Variants in ITPR1 observed in about 807,000 individuals in gnomAD.
ITPR1 encodes inositol 1,4,5-trisphosphate receptor type 1, also known as inositol 1,4,5-trisphosphate-gated calcium channel ITPR1.
Under a neutral mutation model 318.4 loss-of-function variants are expected in ITPR1, and 96 were observed. The observed-to-expected ratio is 0.30, with a 90% CI of 0.26 to 0.36. The LOEUF (loss-of-function observed/expected upper bound fraction) is 0.36, where lower values mean the gene tolerates loss of function less well. Among genes scored for constraint, ITPR1 ranks in the 10% least tolerant of loss-of-function variants. The pLI, the probability that ITPR1 is intolerant of heterozygous loss-of-function variation, is 1.00. For missense variants in ITPR1, 2,440 were observed against 3,460.2 expected (o/e 0.71, Z 7.40); for synonymous variants, 1,312 against 1,289.9 (o/e 1.02, Z -0.37).
chr3:4,566,094 A>G (rs1446366322), intron 4 of ITPR1, among the ~76,000 whole-genome samples: 1 of 152,212 alleles, frequency 6.6e-6, no homozygotes. Context: ...TGAACTGCAT[A>G]AAAGTATGTT....
At chr3:4,832,485 G>T (rs768961611) in intron 60 of ITPR1, among the ~76,000 whole-genome samples, 6 of 152,084 alleles carry the variant, frequency 3.9e-5, no homozygotes, top group Non-Finnish European at 5.9e-5. Context: ...ACAAAAATTA[G>T]CCAGGCATTG....
At chr3:4,628,688 G>A (rs1179913926) in intron 5 of ITPR1, among the ~76,000 whole-genome samples, 1 of 152,146 alleles carries the variant, frequency 6.6e-6, no homozygotes, top group Admixed American at 6.5e-5. Flanking sequence ...TCCCTCCTCT[G>A]GCATGTGAGT....
At chr3:4,712,704 C>A (rs990743053) in intron 39 of ITPR1, among the ~76,000 whole-genome samples, 2 of 152,166 alleles carry the variant, frequency 1.3e-5, no homozygotes, top group Non-Finnish European at 2.9e-5. Flanking sequence ...ATGGTGGCAA[C>A]CAGATTGTCA....
At chr3:4,753,720 G>A (rs1275917107) in intron 44 of ITPR1, among the ~76,000 whole-genome samples, 1 of 152,222 alleles carries the variant, frequency 6.6e-6, no homozygotes, top group East Asian at 1.9e-4. Context: ...GGCCTGAGTG[G>A]ATTTATTTTT....
At chr3:4,661,261 C>A (rs922608511) in intron 14 of ITPR1, among the ~76,000 whole-genome samples, 174 bp downstream of exon 14, 2 of 152,210 alleles carry the variant, frequency 1.3e-5, no homozygotes, top group African/African-American at 4.8e-5. Flanking sequence ...CTGAGTGGAG[C>A]AAACCCAGGG....
intron 49 of ITPR1, among the ~76,000 whole-genome samples, chr3:4,780,754 T>C (rs2046776124): frequency 6.6e-6 from 1 of 152,146 alleles, no homozygotes; most frequent in Non-Finnish European, 1.5e-5. Flanking sequence ...CATAACAAGC[T>C]TATGTAACTG....
chr3:4,559,164 G>T (rs74722941), intron 4 of ITPR1, among the ~76,000 whole-genome samples: 3 of 147,934 alleles, frequency 2.0e-5, no homozygotes, highest in Non-Finnish European at 4.5e-5. Context: ...TGAAAAAGTT[G>T]TTTTTTTTTT....
At position 4,768,692 on chromosome 3, in the gene ITPR1, G is replaced by C; in HGVS notation, c.5907G>C (p.Ala1969=). 4 of 1,613,854 alleles carry C rather than the reference G, an allele frequency of 2.5e-6. No homozygotes were observed. The highest frequency in any genetic ancestry group is 3.4e-6 in the Non-Finnish European group (4 of 1,179,878). Reference sequence around the variant, plus strand: ...CCAAGGACGACCTGGAGATGAGCGCGGTCATCACCATCATGCAGCCCATCC... The same window carrying C: ...CCAAGGACGACCTGGAGATGAGCGCCGTCATCACCATCATGCAGCCCATCC... The part of the protein sequence containing the change: ...DKAKDDLEMS[A]VITIMQPILR... The change falls in exon 46 of 62, where the codon GCG becomes GCC. Residue 1969 remains alanine, a synonymous_variant. Coordinates refer to ENST00000649015, the MANE Select transcript of ITPR1 (RefSeq NM_001378452.1).
At chr3:4,665,785 A>G (rs1387728442) in intron 17 of ITPR1, among the ~76,000 whole-genome samples, 1 of 152,188 alleles carries the variant, frequency 6.6e-6, no homozygotes, top group African/African-American at 2.4e-5. Flanking sequence ...GTATATGTGT[A>G]TTTATATACA....
At chr3:4,753,390 C>T (rs371952499) in intron 44 of ITPR1, among the ~76,000 whole-genome samples, 2 of 152,100 alleles carry the variant, frequency 1.3e-5, no homozygotes, top group Admixed American at 1.3e-4. Context: ...GCAGCTTTAC[C>T]CAGATGAGTG....
intron 16 of ITPR1, 23 bp from the exon 17 acceptor site, chr3:4,665,115 T>C: frequency 6.2e-7 from 1 of 1,613,872 alleles, no homozygotes; most frequent in Non-Finnish European, 8.5e-7. Context: ...ATTGCCATTT[T>C]TGCTTTTCAT....
rs2042147931 is a variant in ITPR1, at chr3:4,721,279, A to C, written c.5136+3880A>C. On this transcript the variant is annotated intron_variant, in intron 40 of 61. Coordinates refer to ENST00000649015, the MANE Select transcript of ITPR1 (RefSeq NM_001378452.1). ...TGTCAGAATGTGTTTTTAAAAAATG[A>C]ACTTTGCTATTGGGTTCTGATGAGC... Among the ~76,000 whole-genome samples the C allele has an allele frequency of 2.0e-5, 3 of 150,874 alleles. No individual in the cohort carries two copies. In the South Asian group the frequency reaches 6.3e-4, roughly 32 times the overall value.
rs765894525 is a variant in ITPR1, at chr3:4,676,737, C to T, written c.2903C>T (p.Ala968Val). ...AAAPEGNVKQ[A>V]EPEKEDIMVM... Reference sequence around the variant, plus strand: ...GCCCCTGAAGGCAATGTGAAGCAGGCAGAGCCTGAGAAGGAGGACATCATG... The same window carrying T: ...GCCCCTGAAGGCAATGTGAAGCAGGTAGAGCCTGAGAAGGAGGACATCATG... Residue 968 changes from alanine to valine, a missense_variant, in exon 24 of 62, where the codon GCA becomes GTA. Around this residue, in one of 23 missense-constraint regions of ITPR1, gnomAD observed 478 missense variants for 696.3 expected, o/e 0.69. Coordinates refer to ENST00000649015, the MANE Select transcript of ITPR1 (RefSeq NM_001378452.1). The T allele has an allele frequency of 3.7e-6, 6 of 1,613,752 alleles. No homozygotes were observed. The East Asian group carries it at 1.3e-4, about 36-fold the overall frequency.
chr3:4,518,817 C>A (rs2082347423), intron 3 of ITPR1, among the ~76,000 whole-genome samples: 2 of 152,188 alleles, frequency 1.3e-5, no homozygotes, highest in Admixed American at 6.5e-5. Flanking sequence ...CGCCTGTAAT[C>A]CCAGCTACTT....
chr3:4,797,127 A>G (rs2047951308), intron 53 of ITPR1, among the ~76,000 whole-genome samples: 1 of 151,864 alleles, frequency 6.6e-6, no homozygotes. Flanking sequence ...AGCATAATTC[A>G]GAGCTCCGAG....
chr3:4,621,124 A>G (rs1425557018), intron 4 of ITPR1, among the ~76,000 whole-genome samples: 1 of 152,124 alleles, frequency 6.6e-6, no homozygotes, highest in Non-Finnish European at 1.5e-5. Context: ...CTTGGTAGGT[A>G]CCATCACTGT....
In ITPR1 at chr3:4,725,575, C is replaced by A; in HGVS notation, c.5166C>A (p.Ala1722=). Residue 1722 remains alanine (A), a synonymous_variant, in exon 41 of 62, where the codon GCC becomes GCA. Transcript: ENST00000649015. ...ELPPAPDSEN[A]TEELEPSPPL... is the part of the protein sequence containing the mutation. ...CTCCAGCTCCGGATTCTGAGAACGCCACTGAGGTGTGTTGCCCGCCTATAT... is the reference window on the plus strand; with the variant it reads ...CTCCAGCTCCGGATTCTGAGAACGCAACTGAGGTGTGTTGCCCGCCTATAT... The A allele has an allele frequency of 6.3e-7, 1 of 1,599,182 alleles. No individual in the cohort carries two copies. Among genetic ancestry groups the A allele is most frequent in the South Asian group, 1.1e-5 (1 of 91,052 alleles).
chr3:4,633,897 C>G (rs73106496), intron 5 of ITPR1, among the ~76,000 whole-genome samples: 5,141 of 152,280 alleles, frequency 0.034, 286 homozygotes, highest in African/African-American at 0.12. Context: ...AGCCTTGCTT[C>G]AATATCGCAT....
chr3:4,817,533 T>C (rs1171830914), intron 59 of ITPR1: 1 of 152,256 alleles, frequency 6.6e-6, no homozygotes, highest in African/African-American at 2.4e-5. Flanking sequence ...TTATCCGTGA[T>C]ATATTTATTT....
Sources: gnomAD v4.1 joint callset for allele counts (sites outside exome capture counted in the v4.1 genomes callset) on GRCh38, gnomAD v4.1.1 for gene constraint, gnomAD v4.1.1 regional missense constraint, MANE v1.5 for transcripts, NCBI Gene and HGNC (gene_info 2026-07-23, HGNC 2026-07-21) for gene names.